Variants in NEBL observed in about 807,000 individuals in gnomAD.
NEBL encodes the protein LIM and SH3 protein 2.
NEBL carries 122 observed loss-of-function variants against 140.2 expected under a neutral mutation model. The ratio of observed to expected loss-of-function variants is 0.87; its 90% CI spans 0.75 to 1.01. The LOEUF (loss-of-function observed/expected upper bound fraction) is 1.01. Among genes scored for constraint, NEBL ranks in the 50% least tolerant of loss-of-function variants. The pLI is 0.00. For missense variants in NEBL, 1,365 were observed against 1,231.3 expected (o/e 1.11, Z -1.62); for synonymous variants, 436 against 398.9 (o/e 1.09, Z -1.11).
chr10:21,262,889 C>T (rs1014588646), intron 1 of NEBL, among the ~76,000 whole-genome samples: 15 of 152,238 alleles, frequency 9.9e-5, no homozygotes, highest in East Asian at 1.9e-4. Context: ...CGTTTGTAGA[C>T]GATTACCCAG....
At chr10:20,983,902 A>G (rs1420221498) in intron 3 of NEBL, among the ~76,000 whole-genome samples, 5 of 152,234 alleles carry the variant, frequency 3.3e-5, no homozygotes, top group Admixed American at 1.3e-4. Context: ...GCCTCAGGGA[A>G]CTGGTATTTA....
At chr10:21,090,393 AACT>A (rs1219307882) in intron 2 of NEBL, among the ~76,000 whole-genome samples, 25 of 152,354 alleles carry the variant, frequency 1.6e-4, no homozygotes, top group Middle Eastern at 3.4e-3. Flanking sequence ...ACAATACAAC[AACT>A]ATTTACACAG....
At chr10:21,238,561 T>G (rs944337212) in intron 3 of NEBL, among the ~76,000 whole-genome samples, 2 of 151,098 alleles carry the variant, frequency 1.3e-5, no homozygotes, top group African/African-American at 4.9e-5. Flanking sequence ...AATACCAAAA[T>G]TAGCTGGGCT....
chr10:20,869,794 T>C lies in NEBL; in HGVS notation c.528A>G (p.Glu176=), dbSNP rs149490493. The stretch of plus-strand genomic sequence containing the variant: ...CCATCTTGATGTCTGGTCGGTCAAG[T>C]TCTGCACTGTACGTGTGGGTGTCCT... The part of the protein sequence containing the change: ...DVQDTHTYSA[E]LDRPDIKMAT... The change falls in exon 6 of 28, where the codon GAA becomes GAG. Residue 176 remains glutamate (E), a synonymous_variant. Transcript: ENST00000377122. 1.2e-5 allele frequency: 19 copies of C among 1,613,700 alleles called. No individual in the cohort carries two copies. The highest frequency in any genetic ancestry group is 1.7e-5 in the Admixed American group (1 of 59,992).
At chr10:20,799,489 T>C (rs1403162224) in intron 26 of NEBL, among the ~76,000 whole-genome samples, 1 of 152,196 alleles carries the variant, frequency 6.6e-6, no homozygotes, top group African/African-American at 2.4e-5. Context: ...CTTCATATCT[T>C]CCTAAACTTA....
At chr10:20,829,498 A>G (rs1197677146) in intron 16 of NEBL, among the ~76,000 whole-genome samples, 1 of 151,982 alleles carries the variant, frequency 6.6e-6, no homozygotes, top group Non-Finnish European at 1.5e-5. Flanking sequence ...ATGACGAGTT[A>G]GTGGGTGCAG....
intron 2 of NEBL, among the ~76,000 whole-genome samples, chr10:21,039,017 G>C (rs1834134007): frequency 6.8e-6 from 1 of 146,490 alleles, no homozygotes; most frequent in African/African-American, 2.5e-5. Context: ...CTTCTTTTAA[G>C]AAGTGTTCTG....
chr10:20,982,312 C>T (rs780200827), intron 3 of NEBL, among the ~76,000 whole-genome samples: 2 of 152,190 alleles, frequency 1.3e-5, no homozygotes, highest in Non-Finnish European at 2.9e-5. Flanking sequence ...TAACTTCAGG[C>T]ATCAGTGCTC....
chr10:20,924,199 A>C (rs912666404), intron 4 of NEBL, among the ~76,000 whole-genome samples: 3 of 152,014 alleles, frequency 2.0e-5, no homozygotes, highest in Admixed American at 2.0e-4. Flanking sequence ...TCTTATTGGC[A>C]TTTCATGGGT....
At chr10:20,998,338 G>T (rs7898090) in intron 3 of NEBL, among the ~76,000 whole-genome samples, 31,421 of 151,986 alleles carry the variant, frequency 0.21, 6,388 homozygotes, top group African/African-American at 0.52. Flanking sequence ...CCTAAGAAAG[G>T]TATGGGGAAG....
At chr10:21,189,757 G>C (rs964752250) in intron 3 of NEBL, among the ~76,000 whole-genome samples, 1 of 152,156 alleles carries the variant, frequency 6.6e-6, no homozygotes, top group African/African-American at 2.4e-5. Context: ...ATGAGCCACC[G>C]CGCCTGGCCC....
intron 4 of NEBL, among the ~76,000 whole-genome samples, chr10:20,950,744 G>A (rs1835417778): frequency 6.6e-6 from 1 of 152,130 alleles, no homozygotes; most frequent in Non-Finnish European, 1.5e-5. Flanking sequence ...TATCATCAAA[G>A]GCCTCACACA....
chr10:21,129,635 T>G (rs1254722742), intron 2 of NEBL, among the ~76,000 whole-genome samples: 3 of 152,076 alleles, frequency 2.0e-5, no homozygotes. Context: ...TATAAGGTAC[T>G]CATATACCCA....
rs1394407486 is a variant in NEBL at position 20,794,548 on chromosome 10, A to G, written c.2762-7240T>C. ...CCATAAATGTATCCTTTTAATCGTT[A>G]AGTGTACAGTTGTTTGACATTAAGC... On this transcript the variant is annotated intron_variant, in intron 26 of 27. Transcript: ENST00000377122. 2.6e-5 allele frequency among the ~76,000 whole-genome samples: 4 copies of G among 152,316 alleles called. No homozygotes were observed. In the East Asian group the frequency reaches 7.7e-4, roughly 29 times the overall value.
intron 2 of NEBL, among the ~76,000 whole-genome samples, chr10:21,044,993 T>A (rs1283799479): frequency 6.6e-6 from 1 of 152,232 alleles, no homozygotes; most frequent in Non-Finnish European, 1.5e-5. Flanking sequence ...AAAAGTATAA[T>A]TGGCTTGAAA....
intron 4 of NEBL, among the ~76,000 whole-genome samples, chr10:20,954,404 T>C (rs1309826447): frequency 3.3e-5 from 5 of 152,218 alleles, no homozygotes; most frequent in Non-Finnish European, 7.3e-5. Context: ...CATTTCTTCA[T>C]AGAGTTCAGT....
intron 3 of NEBL, among the ~76,000 whole-genome samples, chr10:21,203,167 G>T (rs962348098): frequency 6.6e-6 from 1 of 152,256 alleles, no homozygotes; most frequent in Non-Finnish European, 1.5e-5. Context: ...TATGCTGCTT[G>T]TTCTCCTGCA....
At chr10:20,794,383 G>A (rs531267660) in intron 26 of NEBL, among the ~76,000 whole-genome samples, 6 of 152,184 alleles carry the variant, frequency 3.9e-5, no homozygotes, top group South Asian at 2.1e-4. Context: ...TTCCTATAAT[G>A]TATCCTGTTT....
chr10:21,059,033 A>G (rs572506495), intron 2 of NEBL, among the ~76,000 whole-genome samples: 11 of 152,242 alleles, frequency 7.2e-5, no homozygotes, highest in Non-Finnish European at 1.5e-4. Context: ...AACATGAAAG[A>G]TTATAATCCA....
Sources: gnomAD v4.1 joint callset for allele counts (sites outside exome capture counted in the v4.1 genomes callset) on GRCh38, gnomAD v4.1.1 for gene constraint, MANE v1.5 for transcripts, NCBI Gene and HGNC (gene_info 2026-07-23, HGNC 2026-07-21) for gene names.